Variants in EIF2AK3 observed in about 807,000 individuals in gnomAD.
EIF2AK3 encodes eukaryotic translation initiation factor 2 alpha kinase 3.
A neutral mutation model predicts 113.5 loss-of-function variants in EIF2AK3; 50 were observed. The observed-to-expected ratio is 0.44, with a 90% CI of 0.35 to 0.56. The LOEUF (loss-of-function observed/expected upper bound fraction) is 0.56, where lower values mean the gene tolerates loss of function less well. Ranked by LOEUF, EIF2AK3 falls within the 20% of genes least tolerant of loss-of-function variation. The pLI is 0.00. For missense variants in EIF2AK3, 1,185 were observed against 1,378.0 expected (o/e 0.86, Z 2.22); for synonymous variants, 448 against 495.4 (o/e 0.90, Z 1.27).
intron 1 of EIF2AK3, among the ~76,000 whole-genome samples, chr2:88,622,882 G>A (rs1304299859): frequency 2.0e-5 from 3 of 152,050 alleles, no homozygotes; most frequent in Non-Finnish European, 4.4e-5. Context: ...TTTGTAAAAC[G>A]ACAGAGGAAA....
intron 8 of EIF2AK3, among the ~76,000 whole-genome samples, chr2:88,586,300 GA>G (rs1437581451): frequency 2.4e-4 from 37 of 151,534 alleles, no homozygotes; most frequent in Admixed American, 2.4e-3. Context: ...AATAAGACTA[GA>G]AAAAAATCTT....
chr2:88,627,661 G>C (rs185561774), upstream of EIF2AK3: 65 of 200,210 alleles, frequency 3.2e-4, no homozygotes, highest in African/African-American at 1.5e-3. Context: ...TTACCAATGA[G>C]AAATGCCCTT....
chr2:88,573,673 GAATT>G (rs1674377053), intron 13 of EIF2AK3, among the ~76,000 whole-genome samples: 2 of 152,172 alleles, frequency 1.3e-5, no homozygotes, highest in Admixed American at 6.5e-5. Flanking sequence ...TAAAAAATAA[GAATT>G]ATTTCTAATT....
chr2:88,608,936 G>A (rs1367812492), intron 2 of EIF2AK3, among the ~76,000 whole-genome samples: 1 of 141,930 alleles, frequency 7.0e-6, no homozygotes, highest in South Asian at 2.2e-4. Context: ...GTTTTGCCAT[G>A]TTGCCCAGGC....
At chr2:88,583,589 A>C in intron 9 of EIF2AK3, 47 bp from the exon 10 acceptor site, 1 of 1,329,668 alleles carries the variant, frequency 7.5e-7, no homozygotes, top group South Asian at 1.2e-5. Flanking sequence ...AGCTGAACTG[A>C]AGTTAGCTAA....
chr2:88,571,485 C>T (rs1321852878), intron 13 of EIF2AK3, among the ~76,000 whole-genome samples: 1 of 152,180 alleles, frequency 6.6e-6, no homozygotes, highest in African/African-American at 2.4e-5. Context: ...TGTACTACAA[C>T]CCCATTAGAT....
At chr2:88,577,628 C>G (rs1415591556) in intron 11 of EIF2AK3, among the ~76,000 whole-genome samples, 2 of 152,110 alleles carry the variant, frequency 1.3e-5, no homozygotes, top group African/African-American at 4.8e-5. Context: ...ATCCACCCGC[C>G]TAGGACTCCC....
At chr2:88,585,271 C>T (rs1039517197) in intron 9 of EIF2AK3, among the ~76,000 whole-genome samples, 10 of 151,658 alleles carry the variant, frequency 6.6e-5, no homozygotes, top group Admixed American at 5.3e-4. Flanking sequence ...TGACTGCATA[C>T]GGCAGTACGT....
intron 15 of EIF2AK3, 132 bp from the exon 16 acceptor site, chr2:88,559,111 G>A: frequency 1.6e-6 from 1 of 614,872 alleles, no homozygotes; most frequent in Non-Finnish European, 2.8e-6. Context: ...AGCTTTTCCT[G>A]ATTTAATAAC....
chr2:88,579,698 G>T, intron 10 of EIF2AK3, 58 bp from the exon 11 acceptor site: 1 of 1,503,230 alleles, frequency 6.7e-7, no homozygotes, highest in African/African-American at 1.4e-5. Context: ...TTGTGGTAAT[G>T]TGAAAATCAG....
chr2:88,581,844 G>A (rs952881770), intron 10 of EIF2AK3, among the ~76,000 whole-genome samples: 8 of 152,272 alleles, frequency 5.3e-5, no homozygotes, highest in Admixed American at 5.2e-4. Context: ...TGAAGCAGCT[G>A]GTTTGACAGA....
rs533586895 is a variant in EIF2AK3, at chr2:88,614,374, C to A, written c.309-521G>T. 2.7e-4 allele frequency among the ~76,000 whole-genome samples: 41 copies of A among 152,276 alleles called. 2 individuals are homozygous for A. The South Asian group carries it at 8.5e-3, about 32-fold the overall frequency. On this transcript the variant is annotated intron_variant, in intron 1 of 16. Transcript: ENST00000303236. The stretch of plus-strand genomic sequence containing the variant: ...CTCTCTGAAAATCCTCAGGATCAGA[C>A]TGTTTTGTCCCTTACCCCTCCTAGT...
rs139037041 is a variant in EIF2AK3, at chr2:88,583,479, C to T, written c.1714G>A (p.Ala572Thr). ...ATGTCATTCCAGCTACTGTCATTGG[C>T]TTCACCACTTACAGAATCATATTTA... ...ENKYDSVSGE[A>T]NDSSWNDIKN... Residue 572 changes from alanine to threonine, a missense_variant, in exon 10 of 17, where the codon GCC (alanine) becomes ACC (threonine). This residue lies in a region of EIF2AK3 where 877 missense variants were observed against 1,024.2 expected (regional missense o/e 0.86). Coordinates refer to ENST00000303236, the MANE Select transcript of EIF2AK3 (RefSeq NM_004836.7). 3.1e-6 allele frequency: 5 copies of T among 1,613,088 alleles called. No individual in the cohort carries two copies. The African/African-American group carries it at 5.3e-5, about 17-fold the overall frequency.
At chr2:88,612,716 C>T (rs1573420851) in intron 2 of EIF2AK3, among the ~76,000 whole-genome samples, 1 of 152,242 alleles carries the variant, frequency 6.6e-6, no homozygotes, top group East Asian at 1.9e-4. Context: ...GTAGCAGTTT[C>T]CCATTGGAAA....
Sources: allele counts gnomAD v4.1 joint callset (sites outside exome capture counted in the v4.1 genomes callset), GRCh38; gene constraint gnomAD v4.1.1; regional missense constraint gnomAD v4.1.1; transcripts MANE v1.5; gene names NCBI Gene and HGNC (gene_info 2026-07-23, HGNC 2026-07-21).